Variants in GNAO1 observed in about 807,000 individuals in gnomAD.
GNAO1 encodes guanine nucleotide-binding protein G(o) subunit alpha.
For synonymous variants in GNAO1, 164 were observed against 180.7 expected (o/e 0.91, Z 0.74); for missense variants, 166 against 478.7 (o/e 0.35, Z 6.10).
chr16:56,230,897 G>A (rs2036583649), intron 2 of GNAO1, among the ~76,000 whole-genome samples: 1 of 152,196 alleles, frequency 6.6e-6, no homozygotes, highest in African/African-American at 2.4e-5. Context: ...GAGACAGAAA[G>A]GGAGGGTGTG....
chr16:56,324,905 C>CT (rs1198389848), intron 3 of GNAO1, among the ~76,000 whole-genome samples: 1 of 152,252 alleles, frequency 6.6e-6, no homozygotes, highest in Non-Finnish European at 1.5e-5. Flanking sequence ...TGGACAGGCT[C>CT]TGACATGTAA....
chr16:56,342,170 G>A (rs2037812175), intron 6 of GNAO1, among the ~76,000 whole-genome samples: 1 of 152,238 alleles, frequency 6.6e-6, no homozygotes, highest in African/African-American at 2.4e-5. Context: ...GGCCTGTGGG[G>A]CAGTGGAAAC....
chr16:56,284,348 G>T (rs3790092), intron 3 of GNAO1, among the ~76,000 whole-genome samples: 1 of 151,884 alleles, frequency 6.6e-6, no homozygotes, highest in African/African-American at 2.4e-5. Flanking sequence ...GGATCGGGCC[G>T]CAAGCTCCTG....
chr16:56,343,249 G>A (rs2037823180), intron 6 of GNAO1, among the ~76,000 whole-genome samples: 1 of 152,010 alleles, frequency 6.6e-6, no homozygotes, highest in African/African-American at 2.4e-5. Flanking sequence ...AGCACTTTGG[G>A]AGGCTGAGAT....
intron 2 of GNAO1, among the ~76,000 whole-genome samples, chr16:56,258,131 C>T (rs12448100): frequency 1.6e-4 from 24 of 152,230 alleles, no homozygotes; most frequent in Admixed American, 8.5e-4. Context: ...ACCTCTGCTA[C>T]GTGACTGCAG....
At chr16:56,251,212 A>G (rs2036796887) in intron 2 of GNAO1, among the ~76,000 whole-genome samples, 1 of 152,238 alleles carries the variant, frequency 6.6e-6, no homozygotes, top group African/African-American at 2.4e-5. Context: ...AGAGAAATTC[A>G]GTTATTTGTC....
At chr16:56,327,327 G>A (rs1285812843) in intron 3 of GNAO1, among the ~76,000 whole-genome samples, 1 of 152,036 alleles carries the variant, frequency 6.6e-6, no homozygotes, top group East Asian at 1.9e-4. Flanking sequence ...CCATTCTGTG[G>A]GCCACGGCGA....
chr16:56,278,904 T>G (rs560473337), intron 3 of GNAO1, among the ~76,000 whole-genome samples: 3 of 152,258 alleles, frequency 2.0e-5, no homozygotes, highest in African/African-American at 7.2e-5. Flanking sequence ...CTGAGCCCAG[T>G]GCTGGGTCCC....
At chr16:56,350,538 T>C (rs778683437) in intron 6 of GNAO1, among the ~76,000 whole-genome samples, 155 of 152,308 alleles carry the variant, frequency 1.0e-3, no homozygotes, top group Non-Finnish European at 1.7e-3. Context: ...GGGGCGCCCA[T>C]CACGTTCATC....
intron 5 of GNAO1, among the ~76,000 whole-genome samples, chr16:56,336,025 T>C (rs2037736817): frequency 6.6e-6 from 1 of 152,184 alleles, no homozygotes; most frequent in Non-Finnish European, 1.5e-5. Flanking sequence ...TCTAGGAGGC[T>C]ACAGGACTCC....
At chr16:56,289,521 A>G (rs2037209422) in intron 3 of GNAO1, among the ~76,000 whole-genome samples, 1 of 152,220 alleles carries the variant, frequency 6.6e-6, no homozygotes, top group Non-Finnish European at 1.5e-5. Flanking sequence ...ATCTGTGTCA[A>G]GGGTAACCAT....
At position 56,332,552 on chromosome 16, in the gene GNAO1, A is replaced by G. The variant is rs1043713175; in HGVS notation, c.465-2177A>G. On this transcript the variant is annotated intron_variant, in intron 4 of 8. Transcript: ENST00000262493. ...TGTTTACCACCTCACACACGTGTGCACACTCACTTGGAACACAGGCCCTGG... is the reference window on the plus strand; with the variant it reads ...TGTTTACCACCTCACACACGTGTGCGCACTCACTTGGAACACAGGCCCTGG... Among the ~76,000 whole-genome samples the G allele has an allele frequency of 3.3e-5, 5 of 152,200 alleles. No homozygotes were observed. The East Asian group carries it at 9.6e-4, about 29-fold the overall frequency.
At chr16:56,328,544 A>G in intron 3 of GNAO1, 87 bp from the exon 4 acceptor site, 1 of 1,371,322 alleles carries the variant, frequency 7.3e-7, no homozygotes, top group East Asian at 2.3e-5. Flanking sequence ...CTCTCATCAC[A>G]GTCCCCGCTA....
At chr16:56,331,871 C>T (rs553665402) in intron 4 of GNAO1, among the ~76,000 whole-genome samples, 1 of 152,302 alleles carries the variant, frequency 6.6e-6, no homozygotes, top group South Asian at 2.1e-4. Context: ...TAACATGAGC[C>T]CGTGGAACCC....
chr16:56,336,635 C>A, intron 5 of GNAO1, 96 bp from the exon 6 acceptor site: 1 of 1,140,852 alleles, frequency 8.8e-7, no homozygotes. Context: ...AGCACCATGG[C>A]CCCCATCCTC....
At chr16:56,346,533 T>C in intron 6 of GNAO1, 1 of 985,450 alleles carries the variant, frequency 1.0e-6, no homozygotes, top group Non-Finnish European at 1.2e-6. Context: ...GGTCTTGGCC[T>C]TCCCTCTGAG....
chr16:56,340,896 C>A, intron 6 of GNAO1: 1 of 1,613,602 alleles, frequency 6.2e-7, no homozygotes, highest in Non-Finnish European at 8.5e-7. Context: ...GGTTCACAGA[C>A]ACGTCCATCA....
At chr16:56,193,997 G>A (rs76026714) in intron 2 of GNAO1, 29,030 of 404,740 alleles carry the variant, frequency 0.072, 1,137 homozygotes, top group South Asian at 0.092. Context: ...GGGAAGGTGG[G>A]AGTGGGAGAC....
intron 3 of GNAO1, among the ~76,000 whole-genome samples, chr16:56,312,809 TG>T (rs1646345999): frequency 6.6e-6 from 1 of 152,188 alleles, no homozygotes; most frequent in African/African-American, 2.4e-5. Context: ...TGAGATGAGA[TG>T]GCTCAGTGGG....
Sources: allele counts gnomAD v4.1 joint callset (sites outside exome capture counted in the v4.1 genomes callset), GRCh38; gene constraint gnomAD v4.1.1; transcripts MANE v1.5; gene names NCBI Gene and HGNC (gene_info 2026-07-23, HGNC 2026-07-21).